ILDR2: variants seen among roughly 807,000 people sequenced by gnomAD.
ILDR2 encodes immunoglobulin like domain containing receptor 2.
In ILDR2, 25 loss-of-function variants were observed where a neutral mutation model predicts 66.8. The ratio of observed to expected loss-of-function variants is 0.37; its 90% CI spans 0.27 to 0.52. ILDR2 has a LOEUF of 0.52. ILDR2 is among the 20% of genes least tolerant of loss of function. The pLI, the probability that ILDR2 is intolerant of heterozygous loss-of-function variation, is 0.88. For missense variants in ILDR2, 827 were observed against 876.8 expected, an observed-to-expected ratio of 0.94 and a Z score of 0.72; for synonymous variants, 367 against 357.2, an observed-to-expected ratio of 1.03 and a Z score of -0.31.
At chr1:166,937,010 A>C (rs1413050524) in intron 4 of ILDR2, among the ~76,000 whole-genome samples, 1 of 152,196 alleles carries the variant, frequency 6.6e-6, no homozygotes, top group Non-Finnish European at 1.5e-5. Context: ...TGGGGATTTC[A>C]GAGTCCTATA....
intron 1 of ILDR2, among the ~76,000 whole-genome samples, chr1:166,959,182 G>T (rs1260606012): frequency 9.2e-5 from 14 of 152,096 alleles, no homozygotes; most frequent in African/African-American, 2.9e-4. Flanking sequence ...CCAGTTCAAG[G>T]GCTTCTTGTA....
chr1:166,971,773 T>G (rs545449637), intron 1 of ILDR2, among the ~76,000 whole-genome samples: 1 of 152,284 alleles, frequency 6.6e-6, no homozygotes, highest in South Asian at 2.1e-4. Flanking sequence ...GAAAACTTAT[T>G]TGAATCACTG....
In ILDR2 at chr1:166,903,051, C is replaced by T. The variant is rs374124437; in HGVS notation, n.171+4002G>A. On this transcript the variant is annotated intron_variant and non_coding_transcript_variant, in intron 2 of 2. Coordinates refer to the ILDR2 transcript ENST00000414590. ...TCCCCCACACAAAATCTGCATTCGC[C>T]CTCCAACTGTTCTCACTTCTTCCAC... 1.4e-4 allele frequency among the ~76,000 whole-genome samples: 22 copies of T among 152,306 alleles called. No homozygotes were observed. The South Asian group carries it at 4.6e-3, about 32-fold the overall frequency.
In ILDR2 at chr1:166,938,666, G is replaced by A. The variant is rs72707829; in HGVS notation, c.556+848C>T. ...GAATCTGGATGTTTTTAAAAATTTG[G>A]ATTAAGCTAAAAACCAATACCCAGG... On this transcript the variant is annotated intron_variant, in intron 4 of 9. Coordinates refer to ENST00000271417, the MANE Select transcript of ILDR2 (RefSeq NM_199351.3). Among the ~76,000 whole-genome samples the A allele has an allele frequency of 8.2e-3, 1,245 of 152,288 alleles. 9 individuals are homozygous for A. The highest frequency in any genetic ancestry group is 0.012 in the Admixed American group (191 of 15,300).
At chr1:166,955,056 G>A (rs1023394006) in intron 3 of ILDR2, among the ~76,000 whole-genome samples, 2 of 152,186 alleles carry the variant, frequency 1.3e-5, no homozygotes, top group South Asian at 2.1e-4. Context: ...TATTAGGGTT[G>A]TGATTAAGCA....
At chr1:166,949,882 A>G (rs1267366447) in intron 3 of ILDR2, among the ~76,000 whole-genome samples, 1 of 152,192 alleles carries the variant, frequency 6.6e-6, no homozygotes, top group East Asian at 1.9e-4. Context: ...GAGAAAAGGC[A>G]GTGGGGCTGA....
chr1:166,973,580 T>C (rs1663427337), intron 1 of ILDR2, among the ~76,000 whole-genome samples: 1 of 143,964 alleles, frequency 6.9e-6, no homozygotes, highest in African/African-American at 2.6e-5. Context: ...CCCCAGCGTG[T>C]CTGTAAAGAG....
chr1:166,927,204 T>C (rs1660352801), intron 6 of ILDR2, 24 bp from the exon 7 acceptor site: 2 of 1,542,368 alleles, frequency 1.3e-6, no homozygotes, highest in Non-Finnish European at 1.8e-6. Context: ...CACAAGAAGG[T>C]GAGCTGAAAA....
intron 3 of ILDR2, among the ~76,000 whole-genome samples, chr1:166,942,644 G>A (rs12078385): frequency 0.012 from 1,752 of 152,226 alleles, 25 homozygotes; most frequent in African/African-American, 0.04. Flanking sequence ...TTATGGGATG[G>A]TAAAACACAA....
At position 166,912,662 on chromosome 1, in the gene ILDR2, A is replaced by G. The variant is rs940008108; in HGVS notation, c.*6693T>C. On this transcript the variant is annotated 3_prime_UTR_variant, in exon 10 of 10. Coordinates refer to ENST00000271417, the MANE Select transcript of ILDR2 (RefSeq NM_199351.3). ...AGATTTTCTGCTTGACAAGGCCACT[A>G]AAATCTGGAATTCCCTTGAGAGGGC... 4.6e-5 allele frequency: 7 copies of G among 152,238 alleles called. No individual in the cohort carries two copies. Among genetic ancestry groups the G allele is most frequent in the Non-Finnish European group, 1.5e-5 (1 of 68,044 alleles). 9.4% of individuals were successfully genotyped at this position (152,238 alleles called of 1,614,324 possible). A position where few individuals can be genotyped will look rare whatever the true frequency, so the allele number is the denominator to read the frequency against.
chr1:166,906,925 G>A (rs1465127006), downstream of ILDR2: 1 of 152,488 alleles, frequency 6.6e-6, no homozygotes, highest in Non-Finnish European at 1.5e-5. Flanking sequence ...CCACCCATCA[G>A]TTCAGGGCCT....
chr1:166,950,700 A>G (rs16858232), intron 3 of ILDR2, among the ~76,000 whole-genome samples: 1,733 of 150,434 alleles, frequency 0.012, 42 homozygotes, highest in African/African-American at 0.041. Flanking sequence ...TTTCAGGCAC[A>G]GTATTGTGAA....
At chr1:166,945,181 A>G (rs1051347697) in intron 3 of ILDR2, among the ~76,000 whole-genome samples, 1 of 152,230 alleles carries the variant, frequency 6.6e-6, no homozygotes, top group Non-Finnish European at 1.5e-5. Flanking sequence ...TTCTGAACTC[A>G]GGGAAGAATG....
At chr1:166,964,945 C>T (rs1002133975) in intron 1 of ILDR2, among the ~76,000 whole-genome samples, 7 of 152,186 alleles carry the variant, frequency 4.6e-5, no homozygotes, top group African/African-American at 1.7e-4. Flanking sequence ...TTCCTGCCAG[C>T]ATCTTTGGGA....
At chr1:166,974,060 A>G (rs1663460769) in intron 1 of ILDR2, among the ~76,000 whole-genome samples, 1 of 152,094 alleles carries the variant, frequency 6.6e-6, no homozygotes, top group Non-Finnish European at 1.5e-5. Context: ...AGCTATTTTA[A>G]GCTTGTTCCC....
chr1:166,972,638 G>A (rs1210817983), intron 1 of ILDR2, among the ~76,000 whole-genome samples: 1 of 152,140 alleles, frequency 6.6e-6, no homozygotes, highest in Non-Finnish European at 1.5e-5. Flanking sequence ...AGCTGCTAGA[G>A]CCTGGAGGAA....
At position 166,911,223 on chromosome 1, in the gene ILDR2, C is replaced by T. The variant is rs1266113067; in HGVS notation, c.*8132G>A. ...CTCTAAAGAATATGTAAAGTTAAAG[C>T]CTCTTGCCCTCCCCATCTTAAGATT... On this transcript the variant is annotated 3_prime_UTR_variant, in exon 10 of 10. Transcript: ENST00000271417. 1 of 152,220 alleles carries T rather than the reference C, an allele frequency of 6.6e-6. No homozygotes were observed. The highest frequency in any genetic ancestry group is 1.9e-4 in the East Asian group (1 of 5,206). 9.4% of individuals were successfully genotyped at this position (152,220 alleles called of 1,614,324 possible). A position where few individuals can be genotyped will look rare whatever the true frequency, so the allele number is the denominator to read the frequency against.
At chr1:166,903,908 G>A (rs747641141), downstream of ILDR2, among the ~76,000 whole-genome samples, 1 of 152,144 alleles carries the variant, frequency 6.6e-6, no homozygotes, top group Middle Eastern at 3.2e-3. Context: ...TCCTTTGAGA[G>A]GCCTTCTCTG....
intron 6 of ILDR2, among the ~76,000 whole-genome samples, chr1:166,933,097 T>G (rs762486045): frequency 2.6e-5 from 4 of 152,336 alleles, no homozygotes; most frequent in South Asian, 2.1e-4. Flanking sequence ...TGACACTGAT[T>G]GCCACCCTTC....
Sources: allele counts gnomAD v4.1 joint callset (sites outside exome capture counted in the v4.1 genomes callset), GRCh38; gene constraint gnomAD v4.1.1; transcripts MANE v1.5; gene names NCBI Gene and HGNC (gene_info 2026-07-23, HGNC 2026-07-21).